The following SRC variants were observed in gnomAD, a reference collection of about 807,000 sequenced individuals.
The protein encoded by SRC is SRC proto-oncogene, non-receptor tyrosine kinase.
Under a neutral mutation model 62.9 loss-of-function variants are expected in SRC, and 13 were observed. That is an observed-to-expected ratio of 0.21 (90% CI 0.13 to 0.33). SRC has a LOEUF of 0.33. Ranked by LOEUF, SRC falls within the 10% of genes least tolerant of loss-of-function variation. SRC has a pLI of 1.00. For synonymous variants in SRC, 302 were observed against 317.5 expected (o/e 0.95, Z 0.52); for missense variants, 457 against 737.3 (o/e 0.62, Z 4.40).
At chr20:37,373,476 CA>C (rs1221503226) in intron 2 of SRC, among the ~76,000 whole-genome samples, 1 of 151,794 alleles carries the variant, frequency 6.6e-6, no homozygotes, top group East Asian at 1.9e-4. Context: ...CACACACATA[CA>C]TATATATATT....
chr20:37,401,461 C>CT (rs2070736334), intron 10 of SRC, 141 bp from the exon 11 acceptor site: 1 of 616,306 alleles, frequency 1.6e-6, no homozygotes, highest in African/African-American at 1.9e-5. Flanking sequence ...CTGAGTGAGA[C>CT]TTTATTCAGA....
intron 1 of SRC, among the ~76,000 whole-genome samples, chr20:37,352,255 G>A (rs2069814890): frequency 6.6e-6 from 1 of 152,224 alleles, no homozygotes; most frequent in Non-Finnish European, 1.5e-5. Flanking sequence ...CGCAGGGCCT[G>A]CACTCAGGAA....
chr20:37,367,885 T>C (rs2146965647), intron 2 of SRC, among the ~76,000 whole-genome samples: 1 of 152,246 alleles, frequency 6.6e-6, no homozygotes, highest in Admixed American at 6.5e-5. Flanking sequence ...CCTCAAGAGA[T>C]CCTCCTGTCT....
At chr20:37,391,514 G>A (rs187201971) in intron 5 of SRC, among the ~76,000 whole-genome samples, 358 of 152,216 alleles carry the variant, frequency 2.4e-3, no homozygotes, top group Middle Eastern at 0.014. Context: ...TTGTAGCTTT[G>A]GGCAAGTCGC....
rs376144734 is a variant in SRC, at chr20:37,401,592, C to T, written c.1040-10C>T. The T allele has an allele frequency of 1.2e-6, 2 of 1,607,822 alleles. No individual in the cohort carries two copies. The highest frequency in any genetic ancestry group is 3.4e-5 in the Admixed American group (2 of 59,450). ...GGGCAGGAGCTGGAGCTGGGTCTCT[C>T]TCTGCCCAGGGAGTTTGCTGGACTT... is the stretch of plus-strand genomic sequence containing the variant. On this transcript the variant is annotated splice_polypyrimidine_tract_variant and intron_variant, in intron 10 of 13. Coordinates refer to ENST00000373578, the MANE Select transcript of SRC (RefSeq NM_198291.3).
chr20:37,401,956 G>A (rs983878599), intron 11 of SRC: 6 of 408,518 alleles, frequency 1.5e-5, no homozygotes, highest in Admixed American at 4.3e-5. Context: ...TCATTTAGTC[G>A]CTTAGCAGAC....
intron 7 of SRC, among the ~76,000 whole-genome samples, chr20:37,395,702 G>C (rs1429620349): frequency 6.6e-6 from 1 of 152,224 alleles, no homozygotes; most frequent in African/African-American, 2.4e-5. Context: ...CTGACCCAGA[G>C]AGGGAAAGCA....
Position 37,394,294 on chromosome 20 carries a change from T to G in SRC, c.553+17T>G, listed in dbSNP as rs1339545331. 1 of 1,606,704 alleles carries G rather than the reference T, an allele frequency of 6.2e-7. No homozygotes were observed. Among genetic ancestry groups the G allele is most frequent in the Non-Finnish European group, 8.5e-7 (1 of 1,173,650 alleles). On this transcript the variant is annotated intron_variant, in intron 7 of 13. Coordinates refer to ENST00000373578, the MANE Select transcript of SRC (RefSeq NM_198291.3). ...CCACGAAAGGTACGAGCGCTCTTGC[T>G]GGCCAACGGATACTGAGTCTTCTGT...
intron 1 of SRC, among the ~76,000 whole-genome samples, chr20:37,353,551 C>T (rs1051043163): frequency 2.0e-5 from 3 of 152,148 alleles, no homozygotes; most frequent in South Asian, 2.1e-4. Context: ...CTTCAGCCAG[C>T]GTTCATTCCT....
At chr20:37,371,943 G>A (rs767218724) in intron 2 of SRC, among the ~76,000 whole-genome samples, 7 of 151,644 alleles carry the variant, frequency 4.6e-5, no homozygotes, top group Admixed American at 2.0e-4. Flanking sequence ...CCTCCAATCC[G>A]CCCCCCCTTG....
At position 37,402,326 on chromosome 20, in the gene SRC, T is replaced by C; in HGVS notation, c.1117-109T>C. On this transcript the variant is annotated intron_variant, in intron 11 of 13. Coordinates refer to ENST00000373578, the MANE Select transcript of SRC (RefSeq NM_198291.3). The surrounding 1 kb of genome is among the most constrained non-coding windows in gnomAD (Gnocchi z 6.2). ...AACTGACCTCACTTGCCTGAAGAAG[T>C]GTGGGGAGGGTGGGGAAGGGGTGGT... The C allele has an allele frequency of 7.3e-7, 1 of 1,361,100 alleles. No individual in the cohort carries two copies. Among genetic ancestry groups the C allele is most frequent in the East Asian group, 2.3e-5 (1 of 43,012 alleles). 84.3% of individuals were successfully genotyped at this position (1,361,100 alleles called of 1,614,324 possible).
At chr20:37,356,631 A>C (rs1223062836) in intron 1 of SRC, among the ~76,000 whole-genome samples, 1 of 152,212 alleles carries the variant, frequency 6.6e-6, no homozygotes, top group Non-Finnish European at 1.5e-5. Context: ...CCCAACTGGC[A>C]GATTCCCAAG....
At chr20:37,392,866 C>G (rs2070574528) in intron 5 of SRC, among the ~76,000 whole-genome samples, 1 of 152,122 alleles carries the variant, frequency 6.6e-6, no homozygotes, top group African/African-American at 2.4e-5. Flanking sequence ...CTCTCCCGCT[C>G]TCTCCCCTGC....
chr20:37,378,972 G>A (rs1436226108), intron 2 of SRC, among the ~76,000 whole-genome samples: 1 of 142,874 alleles, frequency 7.0e-6, no homozygotes, highest in Non-Finnish European at 1.5e-5. Context: ...AATGACTGGG[G>A]TGGGATGTGC....
At chr20:37,364,462 T>C (rs2070030580) in intron 1 of SRC, among the ~76,000 whole-genome samples, 1 of 152,052 alleles carries the variant, frequency 6.6e-6, no homozygotes, top group Non-Finnish European at 1.5e-5. Flanking sequence ...GTGGGGCCCC[T>C]GGTTTATTTG....
intron 2 of SRC, among the ~76,000 whole-genome samples, chr20:37,372,550 T>A (rs935017126): frequency 6.6e-6 from 1 of 152,236 alleles, no homozygotes; most frequent in Admixed American, 6.5e-5. Flanking sequence ...ATACTTTGTA[T>A]GATTTCACTC....
chr20:37,388,072 G>A (rs2070484923), intron 5 of SRC, among the ~76,000 whole-genome samples: 1 of 152,182 alleles, frequency 6.6e-6, no homozygotes, highest in Non-Finnish European at 1.5e-5. Flanking sequence ...GGAGGGAGAG[G>A]CCCGTGCAGG....
At position 37,393,976 on chromosome 20, in the gene SRC, C is replaced by T; in HGVS notation, c.432C>T (p.Asp144=). The T allele has an allele frequency of 6.2e-7, 1 of 1,614,114 alleles. No individual in the cohort carries two copies. The highest frequency in any genetic ancestry group is 8.5e-7 in the Non-Finnish European group (1 of 1,180,014). ...CCAGCAACTACGTGGCGCCCTCCGA[C>T]TCCATCCAGGCTGAGGAGTGAGTAC... ...YIPSNYVAPS[D]SIQAEEWYFG... The change falls in exon 6 of 14, where the codon GAC becomes GAT. Residue 144 remains aspartate, a synonymous_variant. Transcript: ENST00000373578.
At chr20:37,380,109 G>A (rs1412186250) in intron 2 of SRC, among the ~76,000 whole-genome samples, 1 of 152,108 alleles carries the variant, frequency 6.6e-6, no homozygotes, top group African/African-American at 2.4e-5. Flanking sequence ...TTCCTCATCT[G>A]GAAAGTGGGG....
Sources: allele counts gnomAD v4.1 joint callset (sites outside exome capture counted in the v4.1 genomes callset), GRCh38; gene constraint gnomAD v4.1.1; non-coding constraint Gnocchi (gnomAD v3.1); transcripts MANE v1.5; gene names NCBI Gene and HGNC (gene_info 2026-07-23, HGNC 2026-07-21).